C13orf42: variants seen among roughly 807,000 people sequenced by gnomAD.
The protein encoded by C13orf42 is chromosome 13 open reading frame 42.
chr13:51,138,477 A>T (rs906333338), intron 1 of C13orf42, among the ~76,000 whole-genome samples: 1 of 151,848 alleles, frequency 6.6e-6, no homozygotes, highest in African/African-American at 2.4e-5. Flanking sequence ...AAAAGATGTC[A>T]CTCATCATCA....
At chr13:51,158,986 A>C (rs953885981) in intron 1 of C13orf42, among the ~76,000 whole-genome samples, 4 of 152,208 alleles carry the variant, frequency 2.6e-5, no homozygotes, top group Non-Finnish European at 5.9e-5. Flanking sequence ...AGGGGCTTTC[A>C]TTGCATGTCA....
intron 1 of C13orf42, among the ~76,000 whole-genome samples, chr13:51,107,556 C>T (rs1388196835): frequency 6.6e-6 from 1 of 152,176 alleles, no homozygotes; most frequent in Non-Finnish European, 1.5e-5. Context: ...CAGGGGCTTG[C>T]ATCCGGATGG....
At chr13:51,086,209 AG>A (rs1372583247) in intron 2 of C13orf42, among the ~76,000 whole-genome samples, 1 of 150,466 alleles carries the variant, frequency 6.6e-6, no homozygotes, top group East Asian at 2.0e-4. Context: ...CGGGAGGCTG[AG>A]GCAGGAGAAT....
At chr13:51,127,085 T>G (rs1054428356) in intron 1 of C13orf42, among the ~76,000 whole-genome samples, 2 of 152,052 alleles carry the variant, frequency 1.3e-5, no homozygotes, top group African/African-American at 4.8e-5. Context: ...GAGGATTACT[T>G]GAGCCAGGGA....
intron 1 of C13orf42, among the ~76,000 whole-genome samples, chr13:51,162,695 A>G (rs559897416): frequency 6.6e-6 from 1 of 152,282 alleles, no homozygotes; most frequent in African/African-American, 2.4e-5. Context: ...AAGCTGGCAA[A>G]GAAGGAGATC....
chr13:51,117,836 T>C (rs1213977104), intron 1 of C13orf42, among the ~76,000 whole-genome samples: 2 of 152,282 alleles, frequency 1.3e-5, no homozygotes, highest in East Asian at 1.9e-4. Flanking sequence ...CCAGGGGAGA[T>C]GTCTCTGCTC....
intron 1 of C13orf42, among the ~76,000 whole-genome samples, chr13:51,129,875 A>C (rs1461533002): frequency 6.6e-6 from 1 of 152,074 alleles, no homozygotes; most frequent in African/African-American, 2.4e-5. Flanking sequence ...TTTGCTGCAG[A>C]TGCATGAAAA....
chr13:51,131,476 A>C (rs1420040593), intron 1 of C13orf42, among the ~76,000 whole-genome samples: 2 of 152,190 alleles, frequency 1.3e-5, no homozygotes, highest in Non-Finnish European at 2.9e-5. Flanking sequence ...TGGTAAGTAA[A>C]GAATGTCACT....
At chr13:51,160,393 C>G (rs1188419508) in intron 1 of C13orf42, among the ~76,000 whole-genome samples, 1 of 152,144 alleles carries the variant, frequency 6.6e-6, no homozygotes, top group Non-Finnish European at 1.5e-5. Flanking sequence ...GCCTGTAATC[C>G]CAGCTACTCG....
exon 1 of C13orf42, chr13:51,172,314 C>G (rs1222104853): frequency 6.6e-6 from 1 of 152,078 alleles, no homozygotes; most frequent in Admixed American, 6.5e-5. Flanking sequence ...GACTCCTTCC[C>G]AGATCTTCTC....
chr13:51,116,127 G>T, upstream of C13orf42, among the ~76,000 whole-genome samples: 1 of 152,116 alleles, frequency 6.6e-6, no homozygotes, highest in Non-Finnish European at 1.5e-5. Flanking sequence ...TTACAAGACT[G>T]AAAATGTACT....
intron 1 of C13orf42, among the ~76,000 whole-genome samples, chr13:51,153,135 G>A (rs939739712): frequency 3.3e-5 from 5 of 152,144 alleles, no homozygotes; most frequent in African/African-American, 1.2e-4. Flanking sequence ...CAAGTTATGT[G>A]CCAAAGACTT....
chr13:51,164,313 G>T (rs1354349254), intron 1 of C13orf42, among the ~76,000 whole-genome samples: 1 of 152,148 alleles, frequency 6.6e-6, no homozygotes, highest in Non-Finnish European at 1.5e-5. Flanking sequence ...CTAGCCTAAT[G>T]CTCTGCACAA....
At chr13:51,147,023 C>T (rs1321466476) in intron 1 of C13orf42, among the ~76,000 whole-genome samples, 1 of 152,226 alleles carries the variant, frequency 6.6e-6, no homozygotes, top group East Asian at 1.9e-4. Flanking sequence ...TCAGGATTGC[C>T]TACCCTTGCT....
chr13:51,112,556 G>T (rs1953445619), upstream of C13orf42, among the ~76,000 whole-genome samples: 1 of 152,178 alleles, frequency 6.6e-6, no homozygotes, highest in African/African-American at 2.4e-5. Context: ...GGCATTCTAA[G>T]CACTGGGGTA....
At chr13:51,097,452 C>T (rs1311549105) in intron 1 of C13orf42, among the ~76,000 whole-genome samples, 2 of 152,066 alleles carry the variant, frequency 1.3e-5, no homozygotes, top group African/African-American at 2.4e-5. Flanking sequence ...TTCTAAGTAC[C>T]AAGTCTAAAC....
intron 1 of C13orf42, among the ~76,000 whole-genome samples, chr13:51,139,591 A>C (rs1378860543): frequency 6.6e-6 from 1 of 152,130 alleles, no homozygotes; most frequent in African/African-American, 2.4e-5. Context: ...AGACCTTGCT[A>C]ATAAAACAGT....
intron 1 of C13orf42, among the ~76,000 whole-genome samples, chr13:51,142,254 A>C (rs1953701116): frequency 6.6e-6 from 1 of 152,236 alleles, no homozygotes; most frequent in Non-Finnish European, 1.5e-5. Flanking sequence ...GCTAAACTAT[A>C]AACTAAGTTC....
At position 51,162,748 on chromosome 13, in the gene C13orf42, G is replaced by A. The variant is rs1252572119; in HGVS notation, n.136+9505C>T. On this transcript the variant is annotated intron_variant and non_coding_transcript_variant, in intron 1 of 4. Transcript: ENST00000433280. ...CTGTGAGCAAGCCGAGGCTCAATGC[G>A]ATATTTGAATACCTTGATCCATTCC... is the stretch of plus-strand genomic sequence containing the variant. Among the ~76,000 whole-genome samples, 8 of 152,150 alleles carry A rather than the reference G, an allele frequency of 5.3e-5. No homozygotes were observed. The South Asian group carries it at 8.3e-4, about 16-fold the overall frequency.
Sources: gnomAD v4.1 joint callset for allele counts (sites outside exome capture counted in the v4.1 genomes callset) on GRCh38, gnomAD v4.1.1 for gene constraint, MANE v1.5 for transcripts, NCBI Gene and HGNC (gene_info 2026-07-23, HGNC 2026-07-21) for gene names.